Variants in CEP63 observed in about 807,000 individuals in gnomAD.
CEP63 encodes centrosomal protein 63.
In CEP63, 84 loss-of-function variants were observed where a neutral mutation model predicts 89.1. That is an observed-to-expected ratio of 0.94 (90% confidence interval 0.79 to 1.13). The LOEUF is 1.13. CEP63 is among the 50% of genes most tolerant of loss of function. The pLI is 0.00. For missense variants in CEP63, 838 were observed against 813.3 expected (o/e 1.03, Z -0.37); for synonymous variants, 267 against 272.5 (o/e 0.98, Z 0.20).
At chr3:134,579,083 A>G (rs1447917702), downstream of CEP63, among the ~76,000 whole-genome samples, 2 of 152,244 alleles carry the variant, frequency 1.3e-5, no homozygotes, top group Non-Finnish European at 2.9e-5. Flanking sequence ...AGCAGAAACA[A>G]CTGCTATCCT....
chr3:134,559,322 T>G lies in CEP63; in HGVS notation c.1846T>G (p.Ser616Ala), dbSNP rs1453016909. ...CSSTRSLTSY[S>A]LCKTHSLPSA... The stretch of plus-strand genomic sequence containing the variant: ...CTCCACCAGGTCTTTGACTTCCTAC[T>G]CTCTATGTAAAACTCATTCTTTGCC... Residue 616 changes from serine to alanine, a missense_variant, in exon 14 of 15, where the codon TCT becomes GCT. By Grantham distance (99) the Ser-to-Ala change is moderately conservative (BLOSUM62 1). Transcript: ENST00000675561. The G allele has an allele frequency of 6.2e-7, 1 of 1,614,140 alleles. No individual in the cohort carries two copies. The highest frequency in any genetic ancestry group is 1.7e-5 in the Admixed American group (1 of 60,022).
chr3:134,541,733 G>A (rs1952057494), intron 6 of CEP63, among the ~76,000 whole-genome samples: 2 of 141,922 alleles, frequency 1.4e-5, no homozygotes, highest in East Asian at 2.0e-4. Flanking sequence ...GGCTTTTCTC[G>A]AACTCCTGAC....
chr3:134,608,797 G>A, the CEP63 span: 39 of 1,613,844 alleles, frequency 2.4e-5, no homozygotes, highest in Admixed American at 3.5e-4. Flanking sequence ...AGTGGTCCTC[G>A]ATGAACAGTG....
the CEP63 span, among the ~76,000 whole-genome samples, chr3:134,696,373 C>T: frequency 6.3e-4 from 96 of 152,320 alleles, 1 homozygote; most frequent in East Asian, 7.3e-3. Context: ...AGGGCAGCTC[C>T]TGCAAAATGT....
intron 6 of CEP63, among the ~76,000 whole-genome samples, chr3:134,544,401 C>G (rs1025709582): frequency 2.0e-5 from 3 of 152,186 alleles, no homozygotes; most frequent in African/African-American, 7.2e-5. Context: ...ACGTATCATT[C>G]AGAGAAACCA....
intron 2 of CEP63, among the ~76,000 whole-genome samples, chr3:134,495,734 C>T (rs2108058116): frequency 6.6e-6 from 1 of 152,260 alleles, no homozygotes; most frequent in South Asian, 2.1e-4. Context: ...TTCTTCACCC[C>T]CAACCCCTTC....
At chr3:134,549,905 T>C (rs546133303) in intron 10 of CEP63, among the ~76,000 whole-genome samples, 158 bp from the exon 11 acceptor site, 11 of 152,346 alleles carry the variant, frequency 7.2e-5, no homozygotes, top group South Asian at 2.1e-4. Context: ...AGTACAGATA[T>C]GCAACTTGGT....
At chr3:134,651,124 G>A in the CEP63 span, 11 of 1,495,026 alleles carry the variant, frequency 7.4e-6, no homozygotes, top group African/African-American at 1.4e-5. Flanking sequence ...CGCTGACTCT[G>A]CCAAACACGC....
chr3:134,777,957 C>G, the CEP63 span, among the ~76,000 whole-genome samples: 1 of 152,046 alleles, frequency 6.6e-6, no homozygotes, highest in South Asian at 2.1e-4. Flanking sequence ...GGAGGAAATT[C>G]AGAATAAATA....
chr3:134,672,948 T>G, the CEP63 span, among the ~76,000 whole-genome samples: 1 of 152,208 alleles, frequency 6.6e-6, no homozygotes, highest in Non-Finnish European at 1.5e-5. Context: ...TTCCCTTTAC[T>G]TATAGGATGA....
intron 1 of CEP63, among the ~76,000 whole-genome samples, chr3:134,488,934 G>A (rs1936668853): frequency 6.6e-6 from 1 of 151,980 alleles, no homozygotes. Flanking sequence ...GAGGTGGGTG[G>A]ATCACGAGGT....
At chr3:134,760,113 C>G in the CEP63 span, among the ~76,000 whole-genome samples, 2 of 144,378 alleles carry the variant, frequency 1.4e-5, no homozygotes, top group Non-Finnish European at 3.0e-5. Context: ...GGCTGGAGTG[C>G]AGTGGCGCGA....
intron 3 of CEP63, among the ~76,000 whole-genome samples, chr3:134,509,273 G>A (rs1944278454): frequency 6.6e-6 from 1 of 152,174 alleles, no homozygotes; most frequent in Non-Finnish European, 1.5e-5. Flanking sequence ...TGGAGCAGGA[G>A]AGAGAGAGTG....
At chr3:134,775,994 C>A in the CEP63 span, among the ~76,000 whole-genome samples, 2 of 152,214 alleles carry the variant, frequency 1.3e-5, no homozygotes, top group African/African-American at 2.4e-5. Context: ...CCAGGTATTA[C>A]CAATATAGCC....
downstream of CEP63, among the ~76,000 whole-genome samples, chr3:134,578,322 G>GTTT (rs71139542): frequency 0.27 from 15,384 of 58,018 alleles, 2,489 homozygotes; most frequent in Non-Finnish European, 0.28. Context: ...TCTGACTTGT[G>GTTT]TTTTTTTTTT....
At chr3:134,503,759 CCTT>C (rs1942729553) in intron 2 of CEP63, among the ~76,000 whole-genome samples, 2 of 151,988 alleles carry the variant, frequency 1.3e-5, no homozygotes, top group African/African-American at 4.8e-5. Context: ...TATATAATGA[CCTT>C]CTTTGTCAGT....
chr3:134,561,888 TG>T lies in CEP63; in HGVS notation c.*354del. 9.4e-7 allele frequency: 1 copy of T among 1,067,212 alleles called. No homozygotes were observed. Among genetic ancestry groups the T allele is most frequent in the Non-Finnish European group, 1.1e-6 (1 of 879,142 alleles). 66.1% of individuals were successfully genotyped at this position (1,067,212 alleles called of 1,614,324 possible). On this transcript the variant is annotated 3_prime_UTR_variant, in exon 15 of 15. Coordinates refer to ENST00000675561, the MANE Select transcript of CEP63 (RefSeq NM_001353108.3). ...TGATACATGTTGAAAATAAAGTAAC[TG>T]CAGGAACTTTCTTTAGGGGAAATGT... is the stretch of plus-strand genomic sequence containing the variant.
At chr3:134,770,839 T>G in the CEP63 span, among the ~76,000 whole-genome samples, 1 of 152,210 alleles carries the variant, frequency 6.6e-6, no homozygotes, top group East Asian at 1.9e-4. Flanking sequence ...GTTCTCCTCT[T>G]GCGTCTGTTT....
chr3:134,572,932 C>G (rs1360282765), intron 11 of CEP63, among the ~76,000 whole-genome samples: 2 of 152,084 alleles, frequency 1.3e-5, no homozygotes, highest in Non-Finnish European at 2.9e-5. Context: ...GTTTTTTTGA[C>G]TTTTTGATAA....
Sources: gnomAD v4.1 joint callset for allele counts (sites outside exome capture counted in the v4.1 genomes callset) on GRCh38, gnomAD v4.1.1 for gene constraint, MANE v1.5 for transcripts, NCBI Gene and HGNC (gene_info 2026-07-23, HGNC 2026-07-21) for gene names.